Variants in KCTD8 observed in about 807,000 individuals in gnomAD.
The protein encoded by KCTD8 is potassium channel tetramerization domain containing 8.
Under a neutral mutation model 31.5 loss-of-function variants are expected in KCTD8, and 27 were observed. The observed-to-expected ratio is 0.86, with a 90% CI of 0.63 to 1.18. The LOEUF (loss-of-function observed/expected upper bound fraction) is 1.18, where lower values mean the gene tolerates loss of function less well. Among genes scored for constraint, KCTD8 ranks in the 50% most tolerant of loss-of-function variants. The probability of loss-of-function intolerance (pLI) is 0.00; values close to 1 mark genes in which losing one functional copy is unlikely to be tolerated. For synonymous variants in KCTD8, 290 were observed against 280.0 expected, an observed-to-expected ratio of 1.04 and a Z score of -0.36; for missense variants, 658 against 647.7, an observed-to-expected ratio of 1.02 and a Z score of -0.17.
At chr4:44,261,176 G>T (rs563804735) in intron 1 of KCTD8, among the ~76,000 whole-genome samples, 1 of 152,040 alleles carries the variant, frequency 6.6e-6, no homozygotes, top group Admixed American at 6.6e-5. Flanking sequence ...AGAAACTGGT[G>T]AACTAATGGT....
Position 44,317,384 on chromosome 4 carries a change from C to T in KCTD8, c.961+130179G>A, listed in dbSNP as rs28635363. Reference sequence around the variant, plus strand: ...CCTCCCGAGTAGCTGGGACTACAGGCGCCCGCCACCGCACCCGGCTAATTT... The same window carrying T: ...CCTCCCGAGTAGCTGGGACTACAGGTGCCCGCCACCGCACCCGGCTAATTT... On this transcript the variant is annotated intron_variant, in intron 1 of 1. Transcript: ENST00000360029. Among the ~76,000 whole-genome samples the T allele has an allele frequency of 7.6e-5, 11 of 143,864 alleles. 3 individuals are homozygous for T. Among genetic ancestry groups the T allele is most frequent in the African/African-American group, 3.0e-4 (11 of 36,066 alleles). 94.4% of individuals were successfully genotyped at this position (143,864 alleles called of 152,430 possible).
chr4:44,212,910 CTCT>C (rs1189950715), intron 1 of KCTD8, among the ~76,000 whole-genome samples: 1 of 151,902 alleles, frequency 6.6e-6, no homozygotes, highest in Non-Finnish European at 1.5e-5. Flanking sequence ...TTTGCATTCA[CTCT>C]TCTTTTGTCT....
Position 44,213,557 on chromosome 4 carries a change from T to C in KCTD8, c.962-38307A>G, listed in dbSNP as rs1714556305. 2.0e-5 allele frequency among the ~76,000 whole-genome samples: 3 copies of C among 152,202 alleles called. No individual in the cohort carries two copies. The South Asian group carries it at 6.2e-4, about 31-fold the overall frequency. ...ATGTAGCATAATATGAATTTTCCAA[T>C]TAATCATCTTTAATGTATGTTCATT... On this transcript the variant is annotated intron_variant, in intron 1 of 1. Transcript: ENST00000360029.
intron 1 of KCTD8, among the ~76,000 whole-genome samples, chr4:44,331,260 C>T (rs931894800): frequency 6.6e-6 from 1 of 151,784 alleles, no homozygotes; most frequent in Non-Finnish European, 1.5e-5. Flanking sequence ...TCTGCATCAT[C>T]GATCCTCTAA....
intron 1 of KCTD8, among the ~76,000 whole-genome samples, chr4:44,185,747 CTT>C (rs759637393): frequency 1.4e-5 from 2 of 145,118 alleles, no homozygotes. Flanking sequence ...TGATTTCCTG[CTT>C]TTTTTTTTTT....
intron 1 of KCTD8, among the ~76,000 whole-genome samples, chr4:44,235,525 T>TTATATG (rs1715251116): frequency 1.8e-5 from 1 of 55,064 alleles, no homozygotes; most frequent in Non-Finnish European, 3.8e-5. Context: ...AGACACTGGA[T>TTATATG]TATATATATA....
intron 1 of KCTD8, among the ~76,000 whole-genome samples, chr4:44,281,376 C>T (rs534979634): frequency 1.3e-5 from 2 of 152,150 alleles, no homozygotes; most frequent in East Asian, 3.9e-4. Context: ...TTTTCCTACA[C>T]AGATTTAGAA....
At chr4:44,307,991 G>A (rs1344413615) in intron 1 of KCTD8, among the ~76,000 whole-genome samples, 2 of 151,876 alleles carry the variant, frequency 1.3e-5, no homozygotes, top group East Asian at 1.9e-4. Context: ...ATGGGAATAC[G>A]ACCCATATTA....
chr4:44,428,714 A>G lies in KCTD8; in HGVS notation c.961+18849T>C, dbSNP rs1721403821. On this transcript the variant is annotated intron_variant, in intron 1 of 1. Coordinates refer to ENST00000360029, the MANE Select transcript of KCTD8 (RefSeq NM_198353.3). ...AATTCCCTTCAACTCTAAAAGGAAA[A>G]CAAATAGAGGAATGTGTCAAAGCAG... Among the ~76,000 whole-genome samples, 4 of 151,858 alleles carry G rather than the reference A, an allele frequency of 2.6e-5. No individual in the cohort carries two copies. The Admixed American group carries it at 2.6e-4, about 10-fold the overall frequency.
intron 1 of KCTD8, among the ~76,000 whole-genome samples, chr4:44,440,249 A>T (rs1370420461): frequency 2.0e-5 from 3 of 152,112 alleles, no homozygotes; most frequent in Non-Finnish European, 2.9e-5. Flanking sequence ...AATAATTTAA[A>T]TATAAAGAAG....
intron 1 of KCTD8, among the ~76,000 whole-genome samples, chr4:44,206,869 C>T (rs990733399): frequency 6.6e-6 from 1 of 152,118 alleles, no homozygotes; most frequent in Admixed American, 6.6e-5. Context: ...ATAAGGTATG[C>T]TATGCAGGTT....
intron 1 of KCTD8, among the ~76,000 whole-genome samples, chr4:44,227,375 C>T (rs1714997634): frequency 6.6e-6 from 1 of 152,238 alleles, no homozygotes; most frequent in East Asian, 1.9e-4. Flanking sequence ...TTTCTGAGGT[C>T]TCTGTTCTGT....
At chr4:44,447,021 C>T (rs1263086883) in intron 1 of KCTD8, among the ~76,000 whole-genome samples, 1 of 152,218 alleles carries the variant, frequency 6.6e-6, no homozygotes, top group Non-Finnish European at 1.5e-5. Context: ...TCGCTTCTCC[C>T]CTGCCCTCTA....
intron 1 of KCTD8, among the ~76,000 whole-genome samples, chr4:44,404,819 C>T (rs1240413619): frequency 6.6e-6 from 1 of 152,098 alleles, no homozygotes; most frequent in Non-Finnish European, 1.5e-5. Context: ...GTAATGAAGC[C>T]TGTCAAGTAA....
intron 1 of KCTD8, among the ~76,000 whole-genome samples, chr4:44,200,352 G>GAAAAAA (rs1057025917): frequency 7.1e-6 from 1 of 141,220 alleles, no homozygotes; most frequent in African/African-American, 2.6e-5. Context: ...CAGACACAAT[G>GAAAAAA]AAAAAAAAAA....
chr4:44,273,416 T>G (rs766078004), intron 1 of KCTD8, among the ~76,000 whole-genome samples: 11 of 151,980 alleles, frequency 7.2e-5, no homozygotes, highest in Non-Finnish European at 1.3e-4. Context: ...CTATGACATT[T>G]TCAATGTTAG....
intron 1 of KCTD8, among the ~76,000 whole-genome samples, chr4:44,397,648 A>T (rs1015413573): frequency 6.6e-6 from 1 of 152,074 alleles, no homozygotes; most frequent in East Asian, 1.9e-4. Flanking sequence ...AATTTGAATA[A>T]TTTTTCTTTT....
intron 1 of KCTD8, among the ~76,000 whole-genome samples, chr4:44,397,676 A>T (rs1720540747): frequency 6.6e-6 from 1 of 152,138 alleles, no homozygotes; most frequent in Non-Finnish European, 1.5e-5. Flanking sequence ...ACATTCCTGA[A>T]TTACTTATCT....
At chr4:44,440,095 C>G (rs1056390108) in intron 1 of KCTD8, among the ~76,000 whole-genome samples, 9 of 151,882 alleles carry the variant, frequency 5.9e-5, no homozygotes, top group African/African-American at 2.2e-4. Context: ...CCACGCCCAG[C>G]TAATTTTTTG....
Sources: allele counts gnomAD v4.1 joint callset (sites outside exome capture counted in the v4.1 genomes callset), GRCh38; gene constraint gnomAD v4.1.1; transcripts MANE v1.5; gene names NCBI Gene and HGNC (gene_info 2026-07-23, HGNC 2026-07-21).